The following SUCLG2 variants were observed in gnomAD, a reference collection of about 807,000 sequenced individuals.
The protein encoded by SUCLG2 is succinate--CoA ligase [GDP-forming] subunit beta, mitochondrial.
A neutral mutation model predicts 47.9 loss-of-function variants in SUCLG2; 42 were observed. The ratio of observed to expected loss-of-function variants is 0.88; its 90% CI spans 0.69 to 1.14. The LOEUF is 1.14. SUCLG2 is among the 50% of genes most tolerant of loss of function. SUCLG2 has a pLI of 0.00. For missense variants in SUCLG2, 571 were observed against 525.9 expected (o/e 1.09, Z -0.84); for synonymous variants, 195 against 197.3 (o/e 0.99, Z 0.10).
rs139506054 is a variant in SUCLG2, at chr3:67,648,007, C to T, written c.84+6496G>A. ...GCTCAATAAAGCCTTTTAAAAAGAC[C>T]AGCGAATTTAGCTTCAAATTCAGTG... is the stretch of plus-strand genomic sequence containing the variant. On this transcript the variant is annotated intron_variant, in intron 1 of 10. Transcript: ENST00000307227. Among the ~76,000 whole-genome samples the T allele has an allele frequency of 1.7e-4, 26 of 152,292 alleles. No homozygotes were observed. In the East Asian group the frequency reaches 5.0e-3, roughly 29 times the overall value.
At chr3:67,636,353 C>CT (rs373165988) in intron 1 of SUCLG2, among the ~76,000 whole-genome samples, 2,115 of 137,978 alleles carry the variant, frequency 0.015, 53 homozygotes, top group African/African-American at 0.046. Flanking sequence ...AGGCAGAATC[C>CT]TTTTTTTTTT....
rs187628208 is a variant in SUCLG2, at chr3:67,602,027, A to G, written c.226+7428T>C. Reference sequence around the variant, plus strand: ...TAAAAAAATAAAAACAAGATAATACATAACTGCATTAATGACACACCAAAA... The same window carrying G: ...TAAAAAAATAAAAACAAGATAATACGTAACTGCATTAATGACACACCAAAA... On this transcript the variant is annotated intron_variant, in intron 2 of 10. Transcript: ENST00000307227. Among the ~76,000 whole-genome samples the G allele has an allele frequency of 2.0e-3, 301 of 149,660 alleles. 4 individuals carry two copies. Among genetic ancestry groups the G allele is most frequent in the Non-Finnish European group, 4.9e-4 (33 of 67,322 alleles).
At chr3:67,552,071 T>A (rs1234558063) in intron 2 of SUCLG2, among the ~76,000 whole-genome samples, 1 of 149,500 alleles carries the variant, frequency 6.7e-6, no homozygotes, top group Non-Finnish European at 1.5e-5. Flanking sequence ...GTATCAAATA[T>A]GACCAGAACT....
intron 9 of SUCLG2, among the ~76,000 whole-genome samples, chr3:67,434,296 C>T (rs1336691936): frequency 6.6e-6 from 1 of 152,102 alleles, no homozygotes; most frequent in Non-Finnish European, 1.5e-5. Flanking sequence ...GAGGCCAAGG[C>T]GAGAGGATCT....
chr3:67,589,814 G>A (rs937672799), intron 2 of SUCLG2, among the ~76,000 whole-genome samples: 7 of 152,152 alleles, frequency 4.6e-5, no homozygotes, highest in Admixed American at 1.3e-4. Context: ...CACAGGCTAG[G>A]GGGAGGTAAT....
At chr3:67,613,587 G>A (rs560852175) in intron 1 of SUCLG2, among the ~76,000 whole-genome samples, 1 of 152,110 alleles carries the variant, frequency 6.6e-6, no homozygotes, top group Non-Finnish European at 1.5e-5. Context: ...ACCAGAATAA[G>A]GATGGACATA....
intron 2 of SUCLG2, among the ~76,000 whole-genome samples, chr3:67,575,670 T>C (rs1219461295): frequency 6.6e-6 from 1 of 152,202 alleles, no homozygotes; most frequent in Non-Finnish European, 1.5e-5. Context: ...AAATTAATGA[T>C]ACATAAACTG....
At chr3:67,635,731 A>G (rs6780879) in intron 1 of SUCLG2, among the ~76,000 whole-genome samples, 2,325 of 152,168 alleles carry the variant, frequency 0.015, 68 homozygotes, top group African/African-American at 0.052. Context: ...CAGGTTTTCT[A>G]CCGGAGTTTA....
intron 4 of SUCLG2, among the ~76,000 whole-genome samples, chr3:67,524,654 T>C (rs979942683): frequency 2.6e-5 from 4 of 152,194 alleles, no homozygotes; most frequent in Admixed American, 6.5e-5. Flanking sequence ...TGGGGACTTA[T>C]ACTTTTGAGA....
chr3:67,407,837 A>G (rs1252745426), intron 9 of SUCLG2, among the ~76,000 whole-genome samples: 9 of 152,284 alleles, frequency 5.9e-5, no homozygotes, highest in Admixed American at 5.9e-4. Context: ...TGTTTTTGTG[A>G]AACTGTTTTT....
chr3:67,580,493 C>T (rs60133628), intron 2 of SUCLG2, among the ~76,000 whole-genome samples: 26,857 of 151,972 alleles, frequency 0.18, 2,694 homozygotes, highest in East Asian at 0.42. Context: ...ATGAAAGATA[C>T]ATCTTCAAAG....
chr3:67,518,483 T>C, intron 5 of SUCLG2, 147 bp from the exon 6 acceptor site: 1 of 662,870 alleles, frequency 1.5e-6, no homozygotes, highest in South Asian at 2.3e-5. Flanking sequence ...CTACCGCAGA[T>C]GCCTGTAGGG....
chr3:67,651,239 T>C (rs1266486055), intron 1 of SUCLG2, among the ~76,000 whole-genome samples: 2 of 152,184 alleles, frequency 1.3e-5, no homozygotes, highest in African/African-American at 4.8e-5. Context: ...CTGTATGGTT[T>C]AAACCCCTGA....
intron 9 of SUCLG2, among the ~76,000 whole-genome samples, chr3:67,458,263 T>C (rs1040848755): frequency 2.6e-5 from 4 of 152,200 alleles, no homozygotes; most frequent in Non-Finnish European, 4.4e-5. Context: ...GGTGGTTTGC[T>C]ATGCAGAAAT....
intron 10 of SUCLG2, among the ~76,000 whole-genome samples, chr3:67,361,579 T>C (rs1383885681): frequency 6.6e-6 from 1 of 152,114 alleles, no homozygotes; most frequent in Non-Finnish European, 1.5e-5. Context: ...AAATGGGCCA[T>C]TGTGTGAGCC....
intron 1 of SUCLG2, among the ~76,000 whole-genome samples, chr3:67,614,500 C>T (rs577089499): frequency 1.2e-3 from 179 of 151,928 alleles, no homozygotes; most frequent in Non-Finnish European, 1.7e-3. Context: ...TGCTGTTGTC[C>T]ATCCATCTCT....
chr3:67,627,421 T>G (rs1700852685), intron 1 of SUCLG2, among the ~76,000 whole-genome samples: 1 of 152,218 alleles, frequency 6.6e-6, no homozygotes. Context: ...ATTTTCTCAT[T>G]AGATCTGAAC....
chr3:67,522,664 T>C (rs1273395699), intron 4 of SUCLG2, among the ~76,000 whole-genome samples: 1 of 148,936 alleles, frequency 6.7e-6, no homozygotes, highest in East Asian at 1.9e-4. Flanking sequence ...TTTCTTTCTT[T>C]TTTTTTTTTT....
intron 9 of SUCLG2, among the ~76,000 whole-genome samples, chr3:67,476,339 A>C (rs1177814494): frequency 1.3e-5 from 2 of 151,966 alleles, no homozygotes; most frequent in Admixed American, 6.6e-5. Context: ...GCGGGATTAG[A>C]TTCCCATGAG....
Sources: gnomAD v4.1 joint callset for allele counts (sites outside exome capture counted in the v4.1 genomes callset) on GRCh38, gnomAD v4.1.1 for gene constraint, MANE v1.5 for transcripts, NCBI Gene and HGNC (gene_info 2026-07-23, HGNC 2026-07-21) for gene names.